Variants in FBXO4 observed in about 807,000 individuals in gnomAD.
FBXO4 encodes the protein F-box protein 4.
A neutral mutation model predicts 43.7 loss-of-function variants in FBXO4; 36 were observed. The observed-to-expected ratio is 0.82, with a 90% CI of 0.63 to 1.09. The LOEUF is 1.09. Ranked by LOEUF, FBXO4 falls within the 50% of genes least tolerant of loss-of-function variation. FBXO4 has a pLI of 0.00. For missense variants in FBXO4, 435 were observed against 474.1 expected (o/e 0.92, Z 0.77); for synonymous variants, 180 against 165.6 (o/e 1.09, Z -0.67).
chr5:41,927,375 CA>C, intron 2 of FBXO4, 127 bp downstream of exon 2: 1 of 664,206 alleles, frequency 1.5e-6, no homozygotes, highest in Non-Finnish European at 2.5e-6. Context: ...TTGTTCTCGT[CA>C]AAACTGGGAG....
the FBXO4 span, among the ~76,000 whole-genome samples, chr5:42,001,410 T>C: frequency 3.9e-5 from 6 of 152,190 alleles, no homozygotes; most frequent in Non-Finnish European, 7.4e-5. Context: ...TGTTGTACTT[T>C]TAGTAGAGAC....
intron 3 of FBXO4, among the ~76,000 whole-genome samples, chr5:41,930,519 T>G (rs1751653664): frequency 6.6e-6 from 1 of 152,164 alleles, no homozygotes; most frequent in Non-Finnish European, 1.5e-5. Flanking sequence ...ATGTATTTAG[T>G]TCCTGGGTAG....
chr5:41,956,270 A>G, the FBXO4 span, among the ~76,000 whole-genome samples: 5 of 152,230 alleles, frequency 3.3e-5, no homozygotes, highest in Non-Finnish European at 4.4e-5. Flanking sequence ...AGACAGCAAA[A>G]AGGCCCAAAT....
the FBXO4 span, among the ~76,000 whole-genome samples, chr5:41,997,157 T>C: frequency 6.6e-6 from 1 of 152,214 alleles, no homozygotes; most frequent in Non-Finnish European, 1.5e-5. Context: ...AGTTAATGGC[T>C]GCATACCAGC....
the FBXO4 span, among the ~76,000 whole-genome samples, chr5:42,004,934 G>A: frequency 6.6e-6 from 1 of 152,112 alleles, no homozygotes; most frequent in African/African-American, 2.4e-5. Flanking sequence ...GAAACTGAGG[G>A]ACGGAGGCAT....
chr5:41,966,881 G>A, the FBXO4 span, among the ~76,000 whole-genome samples: 1,149 of 152,210 alleles, frequency 7.5e-3, 11 homozygotes, highest in African/African-American at 0.027. Context: ...TTCTCAATAT[G>A]ACAATGTCTC....
At chr5:41,958,686 A>G in the FBXO4 span, among the ~76,000 whole-genome samples, 1 of 152,176 alleles carries the variant, frequency 6.6e-6, no homozygotes, top group African/African-American at 2.4e-5. Flanking sequence ...ACTTAATATA[A>G]TGTACTCCAG....
the FBXO4 span, among the ~76,000 whole-genome samples, chr5:41,996,783 C>T: frequency 6.6e-6 from 1 of 152,126 alleles, no homozygotes; most frequent in African/African-American, 2.4e-5. Flanking sequence ...AGAAAGAATA[C>T]CTCAGCAGGC....
the FBXO4 span, among the ~76,000 whole-genome samples, chr5:41,949,288 T>C: frequency 6.6e-6 from 1 of 152,196 alleles, no homozygotes; most frequent in Admixed American, 6.5e-5. Flanking sequence ...TATTTGCAGA[T>C]GACATGATTG....
the FBXO4 span, among the ~76,000 whole-genome samples, chr5:42,010,878 CTTTTTT>C: frequency 6.6e-6 from 1 of 151,246 alleles, no homozygotes; most frequent in African/African-American, 2.4e-5. Flanking sequence ...CTTTCTTTTT[CTTTTTT>C]TTTAAATTAT....
chr5:42,029,230 A>T, the FBXO4 span, among the ~76,000 whole-genome samples: 1 of 151,978 alleles, frequency 6.6e-6, no homozygotes, highest in Non-Finnish European at 1.5e-5. Flanking sequence ...CTAGGATAAA[A>T]CTTTTTCTCA....
intron 5 of FBXO4, among the ~76,000 whole-genome samples, chr5:41,935,570 ACT>A: frequency 6.6e-6 from 1 of 152,306 alleles, no homozygotes; most frequent in East Asian, 1.9e-4. Context: ...ATGTTTGCTG[ACT>A]CTGGAGGAGA....
At position 41,941,162 on chromosome 5, in the gene FBXO4, C is replaced by A. The variant is rs200501922; in HGVS notation, c.1075-30C>A. ...ATAAGATTTTGGACTTAGTTTCTTA[C>A]TAACAACATTCTCTCTTATGTATTC... On this transcript the variant is annotated intron_variant, in intron 6 of 6. Coordinates refer to ENST00000281623, the MANE Select transcript of FBXO4 (RefSeq NM_012176.3). 7 of 1,582,362 alleles carry A rather than the reference C, an allele frequency of 4.4e-6. No individual in the cohort carries two copies. In the South Asian group the frequency reaches 7.8e-5, roughly 18 times the overall value.
At chr5:42,005,756 A>T in the FBXO4 span, among the ~76,000 whole-genome samples, 8 of 152,054 alleles carry the variant, frequency 5.3e-5, no homozygotes, top group African/African-American at 1.9e-4. Context: ...GCAACTGAGA[A>T]TTTTTAACCA....
At chr5:41,932,865 A>G (rs752707451) in intron 3 of FBXO4, among the ~76,000 whole-genome samples, 4 of 152,204 alleles carry the variant, frequency 2.6e-5, no homozygotes, top group Non-Finnish European at 5.9e-5. Context: ...TGAGGAGGCA[A>G]AAGGAGAACC....
At chr5:41,956,006 ACGTTTAAGAATATTT>A in the FBXO4 span, among the ~76,000 whole-genome samples, 7 of 152,208 alleles carry the variant, frequency 4.6e-5, no homozygotes, top group Non-Finnish European at 8.8e-5. Flanking sequence ...TCCCAGATCA[ACGTTTAAGAATATTT>A]ATAGGATTAC....
At chr5:41,980,496 T>C in the FBXO4 span, among the ~76,000 whole-genome samples, 1 of 152,130 alleles carries the variant, frequency 6.6e-6, no homozygotes, top group African/African-American at 2.4e-5. Context: ...AAGGAGGAAA[T>C]TGGAACATAA....
the FBXO4 span, among the ~76,000 whole-genome samples, chr5:41,958,318 T>C: frequency 2.0e-5 from 3 of 152,208 alleles, no homozygotes; most frequent in African/African-American, 4.8e-5. Context: ...GTACTTTTAG[T>C]AGAGACAGGG....
At chr5:41,994,140 C>T in the FBXO4 span, among the ~76,000 whole-genome samples, 1 of 152,074 alleles carries the variant, frequency 6.6e-6, no homozygotes, top group Non-Finnish European at 1.5e-5. Flanking sequence ...CATAATTATG[C>T]CTAACATAAT....
Sources: gnomAD v4.1 joint callset for allele counts (sites outside exome capture counted in the v4.1 genomes callset) on GRCh38, gnomAD v4.1.1 for gene constraint, MANE v1.5 for transcripts, NCBI Gene and HGNC (gene_info 2026-07-23, HGNC 2026-07-21) for gene names.